Variants in FHL2 observed in about 807,000 individuals in gnomAD.
The protein encoded by FHL2 is four and a half LIM domains 2, also known as four and a half LIM domains protein 2.
Under a neutral mutation model 32.7 loss-of-function variants are expected in FHL2, and 20 were observed. That is an observed-to-expected ratio of 0.61 (90% CI 0.43 to 0.89). The LOEUF (loss-of-function observed/expected upper bound fraction) is 0.89, where lower values mean the gene tolerates loss of function less well. Ranked by LOEUF, FHL2 falls within the 40% of genes least tolerant of loss-of-function variation. The pLI is 0.00. For missense variants in FHL2, 311 were observed against 358.6 expected, an observed-to-expected ratio of 0.87 and a Z score of 1.07; for synonymous variants, 123 against 128.1, an observed-to-expected ratio of 0.96 and a Z score of 0.27.
intron 1 of FHL2, among the ~76,000 whole-genome samples, chr2:105,437,929 G>T (rs1260277837): frequency 9.9e-5 from 15 of 152,192 alleles, no homozygotes; most frequent in Admixed American, 9.2e-4. Context: ...TCAGTAATTT[G>T]TCTTTTCATC....
intron 1 of FHL2, among the ~76,000 whole-genome samples, chr2:105,418,275 T>C (rs1573398610): frequency 6.6e-6 from 1 of 152,082 alleles, no homozygotes; most frequent in African/African-American, 2.4e-5. Context: ...ATATCCTAAC[T>C]CCTGGGCCTT....
At chr2:105,424,802 A>G (rs563979427) in intron 1 of FHL2, among the ~76,000 whole-genome samples, 2 of 152,340 alleles carry the variant, frequency 1.3e-5, no homozygotes, top group African/African-American at 4.8e-5. Flanking sequence ...GTTCTCACTC[A>G]TAAGTGGGAG....
intron 1 of FHL2, among the ~76,000 whole-genome samples, chr2:105,417,457 G>A (rs1259899774): frequency 6.6e-6 from 1 of 152,112 alleles, no homozygotes; most frequent in Non-Finnish European, 1.5e-5. Context: ...GACTGAGGCG[G>A]GCAGATTGTC....
chr2:105,422,140 A>C (rs891853559), intron 1 of FHL2, among the ~76,000 whole-genome samples: 3 of 152,236 alleles, frequency 2.0e-5, no homozygotes, highest in Non-Finnish European at 2.9e-5. Flanking sequence ...GTGGACCAGA[A>C]AGGAAAAGCC....
rs1308491907 is a variant in FHL2 at position 105,373,568 on chromosome 2, T to G, written c.322A>C (p.Ile108Leu). ...AGGAGTGCCTCCTGACCTGGCATGA[T>G]GGTCTTCTTGCATTCCTGGCACTTG... is the stretch of plus-strand genomic sequence containing the variant. ...SSKCQECKKT[I>L]MPGTRKMEYK... Residue 108 changes from isoleucine to leucine, a missense_variant, in exon 4 of 7, where the codon ATC becomes CTC. Ile to Leu is a conservative substitution (Grantham distance 5, BLOSUM62 2). Coordinates refer to ENST00000530340, the MANE Select transcript of FHL2 (RefSeq NM_001318895.3). 6.2e-7 allele frequency: 1 copy of G among 1,614,098 alleles called. No individual in the cohort carries two copies. Among genetic ancestry groups the G allele is most frequent in the Admixed American group, 1.7e-5 (1 of 60,008 alleles).
At chr2:105,395,024 T>C (rs1217557712) in intron 2 of FHL2, among the ~76,000 whole-genome samples, 1 of 152,252 alleles carries the variant, frequency 6.6e-6, no homozygotes, top group Admixed American at 6.5e-5. Flanking sequence ...TTTGATGTCG[T>C]TCAGCCTTTT....
chr2:105,408,204 A>C (rs942024645), intron 1 of FHL2, among the ~76,000 whole-genome samples: 1 of 152,192 alleles, frequency 6.6e-6, no homozygotes, highest in African/African-American at 2.4e-5. Flanking sequence ...ACATATGACC[A>C]CTGCCTTTCA....
At chr2:105,421,096 G>A (rs192451087) in intron 1 of FHL2, among the ~76,000 whole-genome samples, 25 of 152,348 alleles carry the variant, frequency 1.6e-4, no homozygotes, top group Admixed American at 1.6e-3. Flanking sequence ...TGAGACAGAT[G>A]CAGTTTATGG....
chr2:105,371,512 C>T (rs1681060252), intron 4 of FHL2, among the ~76,000 whole-genome samples: 1 of 151,210 alleles, frequency 6.6e-6, no homozygotes, highest in African/African-American at 2.4e-5. Flanking sequence ...TCCAGACTTA[C>T]CGCCTCCACA....
At chr2:105,399,740 G>T, upstream of FHL2, 1 of 980,478 alleles carries the variant, frequency 1.0e-6, no homozygotes, top group Non-Finnish European at 1.5e-6. Context: ...AGGGACAGAT[G>T]GCACTGTTCA....
At chr2:105,363,700 TG>T (rs1680438478) in intron 5 of FHL2, among the ~76,000 whole-genome samples, 2 of 152,196 alleles carry the variant, frequency 1.3e-5, no homozygotes, top group African/African-American at 4.8e-5. Flanking sequence ...AGCTTGGGGT[TG>T]CCCTCAGCCC....
chr2:105,428,548 C>T (rs953356085), intron 1 of FHL2, among the ~76,000 whole-genome samples: 2 of 152,368 alleles, frequency 1.3e-5, no homozygotes, highest in Admixed American at 1.3e-4. Flanking sequence ...CTCGGAGGAC[C>T]GTCTACTACC....
At chr2:105,365,706 G>T (rs1231284239) in intron 5 of FHL2, among the ~76,000 whole-genome samples, 1 of 151,736 alleles carries the variant, frequency 6.6e-6, no homozygotes. Flanking sequence ...GGTGGGTTTG[G>T]TGGTGGCACC....
At position 105,421,827 on chromosome 2, in the gene FHL2, A is replaced by G. The variant is rs563836845; in HGVS notation, c.-25+16572T>C. On this transcript the variant is annotated intron_variant, in intron 1 of 5. Transcript: ENST00000393352. Reference sequence around the variant, plus strand: ...GCACAGTTCCATGCATGAGCTTGCAATGCAGTCTCTGCCATCAGGGACTCA... The same window carrying G: ...GCACAGTTCCATGCATGAGCTTGCAGTGCAGTCTCTGCCATCAGGGACTCA... Among the ~76,000 whole-genome samples the G allele has an allele frequency of 6.6e-5, 10 of 152,352 alleles. 1 individual carries two copies. Among genetic ancestry groups the G allele is most frequent in the African/African-American group, 2.4e-4 (10 of 41,588 alleles).
At chr2:105,400,116 T>G (rs921192697), upstream of FHL2, among the ~76,000 whole-genome samples, 1 of 152,038 alleles carries the variant, frequency 6.6e-6, no homozygotes, top group African/African-American at 2.4e-5. Context: ...GGTATCTCAT[T>G]TGATCCACAC....
intron 3 of FHL2, among the ~76,000 whole-genome samples, chr2:105,385,618 T>A (rs1441157512): frequency 6.6e-6 from 1 of 151,812 alleles, no homozygotes; most frequent in Non-Finnish European, 1.5e-5. Context: ...TTCACTGGAG[T>A]GTTTTAGAAG....
intron 1 of FHL2, among the ~76,000 whole-genome samples, chr2:105,404,755 G>A (rs2104647088): frequency 6.6e-6 from 1 of 152,296 alleles, no homozygotes; most frequent in Middle Eastern, 3.4e-3. Context: ...CTTCTGCCAT[G>A]CTCTGGTTAG....
chr2:105,399,634 C>A, upstream of FHL2: 6 of 1,507,188 alleles, frequency 4.0e-6, no homozygotes, highest in Non-Finnish European at 5.3e-6. Context: ...AGTTAGACAT[C>A]TTGGATTCCC....
chr2:105,377,887 G>A, intron 3 of FHL2: 1 of 370,168 alleles, frequency 2.7e-6, no homozygotes, highest in Non-Finnish European at 5.4e-6. Flanking sequence ...TTACATGGTG[G>A]CTGCCCTGCC....
Sources: allele counts gnomAD v4.1 joint callset (sites outside exome capture counted in the v4.1 genomes callset), GRCh38; gene constraint gnomAD v4.1.1; transcripts MANE v1.5; gene names NCBI Gene and HGNC (gene_info 2026-07-23, HGNC 2026-07-21).